Variants in TXLNB observed in about 807,000 individuals in gnomAD.
TXLNB encodes taxilin beta, also known as beta-taxilin.
Under a neutral mutation model 57.4 loss-of-function variants are expected in TXLNB, and 37 were observed. The ratio of observed to expected loss-of-function variants is 0.64; its 90% CI spans 0.50 to 0.85. The LOEUF is 0.85. Among genes scored for constraint, TXLNB ranks in the 40% least tolerant of loss-of-function variants. The probability of loss-of-function intolerance (pLI) is 0.00; values close to 1 mark genes in which losing one functional copy is unlikely to be tolerated. For synonymous variants in TXLNB, 302 were observed against 309.6 expected, an observed-to-expected ratio of 0.98 and a Z score of 0.26; for missense variants, 848 against 825.6, an observed-to-expected ratio of 1.03 and a Z score of -0.33.
chr6:139,162,523 T>C, the TXLNB span, among the ~76,000 whole-genome samples: 1 of 152,192 alleles, frequency 6.6e-6, no homozygotes, highest in Non-Finnish European at 1.5e-5. Context: ...TTGCAGAGTC[T>C]GAACTGTGAA....
the TXLNB span, among the ~76,000 whole-genome samples, chr6:139,215,064 A>G: frequency 1.1e-4 from 17 of 152,180 alleles, no homozygotes; most frequent in African/African-American, 3.6e-4. Context: ...AAGGTAATTT[A>G]TAGATTCAAT....
chr6:139,197,391 C>T, the TXLNB span, among the ~76,000 whole-genome samples: 1 of 152,052 alleles, frequency 6.6e-6, no homozygotes, highest in East Asian at 1.9e-4. Context: ...GCTGTATTCC[C>T]AGTATCTGGA....
chr6:139,283,876 A>C lies in TXLNB; in HGVS notation c.424+4600T>G, dbSNP rs1777112750. Among the ~76,000 whole-genome samples, 2 of 145,978 alleles carry C rather than the reference A, an allele frequency of 1.4e-5. 1 individual carries two copies. Among genetic ancestry groups the C allele is most frequent in the Non-Finnish European group, 3.0e-5 (2 of 65,592 alleles). On this transcript the variant is annotated intron_variant, in intron 2 of 9. Transcript: ENST00000358430. ...CATCTTTGATCAAGTACATAAGCAA[A>C]ATCTAAGAATATATCTTCAGATATG...
At chr6:139,227,587 A>C in the TXLNB span, among the ~76,000 whole-genome samples, 1 of 152,216 alleles carries the variant, frequency 6.6e-6, no homozygotes, top group Non-Finnish European at 1.5e-5. Flanking sequence ...ACACATAGGA[A>C]ATATCACAGC....
chr6:139,319,222 A>C, the TXLNB span, among the ~76,000 whole-genome samples: 7 of 150,836 alleles, frequency 4.6e-5, no homozygotes, highest in African/African-American at 1.7e-4. Flanking sequence ...GATTACAGGC[A>C]TGAGCACCAC....
the TXLNB span, among the ~76,000 whole-genome samples, chr6:139,297,454 T>G: frequency 1.3e-5 from 2 of 152,222 alleles, no homozygotes; most frequent in South Asian, 4.1e-4. Flanking sequence ...GTAAACTAAA[T>G]GATTCACTTA....
the TXLNB span, among the ~76,000 whole-genome samples, chr6:139,162,392 A>G: frequency 6.6e-6 from 1 of 152,226 alleles, no homozygotes; most frequent in Non-Finnish European, 1.5e-5. Context: ...CATTTAAGGT[A>G]CATTCTGTTG....
At chr6:139,173,498 G>A in the TXLNB span, among the ~76,000 whole-genome samples, 1 of 152,206 alleles carries the variant, frequency 6.6e-6, no homozygotes, top group African/African-American at 2.4e-5. Flanking sequence ...AAGACCCATA[G>A]TCTGACTGAT....
At chr6:139,244,330 G>A (rs1776022331) in intron 9 of TXLNB, among the ~76,000 whole-genome samples, 1 of 152,162 alleles carries the variant, frequency 6.6e-6, no homozygotes, top group Non-Finnish European at 1.5e-5. Context: ...CCTTAAAGGG[G>A]ACAGCTGCCC....
chr6:139,323,669 C>T, the TXLNB span, among the ~76,000 whole-genome samples: 1 of 152,304 alleles, frequency 6.6e-6, no homozygotes, highest in Non-Finnish European at 1.5e-5. Flanking sequence ...CCAAGAATCA[C>T]GAGGCACGTG....
At chr6:139,270,314 G>C (rs1009119497) in intron 4 of TXLNB, 142 bp downstream of exon 4, 1 of 755,662 alleles carries the variant, frequency 1.3e-6, no homozygotes, top group Non-Finnish European at 2.1e-6. Flanking sequence ...ATTATTTAAG[G>C]TTACAAGCAA....
At chr6:139,185,209 A>C in the TXLNB span, among the ~76,000 whole-genome samples, 2 of 152,048 alleles carry the variant, frequency 1.3e-5, no homozygotes, top group East Asian at 3.9e-4. Flanking sequence ...CTTAATGGAG[A>C]TCACAAAGTT....
chr6:139,319,411 C>CT, the TXLNB span, among the ~76,000 whole-genome samples: 64 of 147,276 alleles, frequency 4.3e-4, no homozygotes, highest in Middle Eastern at 3.5e-3. Context: ...TCCTTTCTTT[C>CT]TTTTTTTTTT....
chr6:139,190,201 T>C, the TXLNB span, among the ~76,000 whole-genome samples: 1 of 152,198 alleles, frequency 6.6e-6, no homozygotes, highest in African/African-American at 2.4e-5. Flanking sequence ...ACTGCGTAAC[T>C]TATAAACAAC....
At chr6:139,175,987 A>G in the TXLNB span, among the ~76,000 whole-genome samples, 4 of 152,390 alleles carry the variant, frequency 2.6e-5, no homozygotes, top group South Asian at 8.3e-4. Flanking sequence ...TAATGAATCA[A>G]GGGAAGTCTT....
At chr6:139,317,123 G>A in the TXLNB span, among the ~76,000 whole-genome samples, 1 of 152,122 alleles carries the variant, frequency 6.6e-6, no homozygotes, top group South Asian at 2.1e-4. Flanking sequence ...CACAGTGTTT[G>A]AGAGAGACAA....
chr6:139,174,393 A>G, the TXLNB span: 5 of 1,613,324 alleles, frequency 3.1e-6, no homozygotes, highest in Non-Finnish European at 3.4e-6. Context: ...AGGGAGACTC[A>G]TGCATCTGTA....
downstream of TXLNB, among the ~76,000 whole-genome samples, chr6:139,236,036 C>A (rs1775832881): frequency 6.6e-6 from 1 of 152,110 alleles, no homozygotes; most frequent in African/African-American, 2.4e-5. Flanking sequence ...GGGGAAGACA[C>A]CTTCCCACTC....
At chr6:139,199,961 C>T in the TXLNB span, 1 of 152,196 alleles carries the variant, frequency 6.6e-6, no homozygotes, top group African/African-American at 2.4e-5. Context: ...GAAGCAAAAT[C>T]ATACCGGGGC....
Sources: gnomAD v4.1 joint callset for allele counts (sites outside exome capture counted in the v4.1 genomes callset) on GRCh38, gnomAD v4.1.1 for gene constraint, MANE v1.5 for transcripts, NCBI Gene and HGNC (gene_info 2026-07-23, HGNC 2026-07-21) for gene names.